Variants in WDR49 observed in about 807,000 individuals in gnomAD.
WDR49 encodes the protein cilia- and flagella-associated protein 337.
WDR49 carries 107 observed loss-of-function variants against 119.5 expected under a neutral mutation model. That is an observed-to-expected ratio of 0.90 (90% CI 0.77 to 1.05). The LOEUF is 1.05. Among genes scored for constraint, WDR49 ranks in the 50% least tolerant of loss-of-function variants. WDR49 has a pLI of 0.00. For synonymous variants in WDR49, 425 were observed against 418.8 expected (o/e 1.01, Z -0.18); for missense variants, 1,240 against 1,220.5 (o/e 1.02, Z -0.24).
chr3:167,644,052 CCCA>C (rs1477620108), intron 2 of WDR49, among the ~76,000 whole-genome samples: 1 of 141,848 alleles, frequency 7.0e-6, no homozygotes, highest in Non-Finnish European at 1.5e-5. Context: ...CCCCCCAATC[CCCA>C]CCTTTTTTTT....
In WDR49 at chr3:167,527,071, C is replaced by T. The variant is rs555929396; in HGVS notation, c.2604+749G>A. On this transcript the variant is annotated intron_variant, in intron 15 of 18. Coordinates refer to ENST00000682715, the MANE Select transcript of WDR49 (RefSeq NM_001366157.1). Reference sequence around the variant, plus strand: ...AATATTTCCTTTCTTTCATGACTCCCATTTCCATTTCATTTCATAGGCAGG... The same window carrying T: ...AATATTTCCTTTCTTTCATGACTCCTATTTCCATTTCATTTCATAGGCAGG... 1.2e-3 allele frequency among the ~76,000 whole-genome samples: 180 copies of T among 152,218 alleles called. 1 individual carries two copies. Among genetic ancestry groups the T allele is most frequent in the Middle Eastern group, 3.4e-3 (1 of 294 alleles).
intron 7 of WDR49, among the ~76,000 whole-genome samples, chr3:167,598,702 T>C (rs180740224): frequency 8.5e-5 from 13 of 152,350 alleles, no homozygotes; most frequent in African/African-American, 3.1e-4. Context: ...CATAGTTCTT[T>C]GTAGCAGTGT....
intron 8 of WDR49, among the ~76,000 whole-genome samples, chr3:167,573,058 A>G (rs1714026964): frequency 6.6e-6 from 1 of 152,140 alleles, no homozygotes; most frequent in African/African-American, 2.4e-5. Context: ...AGAAAAGGAG[A>G]TGTCATAAAG....
intron 16 of WDR49, among the ~76,000 whole-genome samples, chr3:167,506,405 T>C (rs1751769131): frequency 6.6e-6 from 1 of 152,236 alleles, no homozygotes; most frequent in Admixed American, 6.5e-5. Context: ...TTTCCAGCTT[T>C]CTTTTTCCTC....
chr3:167,603,606 C>T (rs914952581), intron 6 of WDR49, among the ~76,000 whole-genome samples: 1 of 151,956 alleles, frequency 6.6e-6, no homozygotes, highest in African/African-American at 2.4e-5. Flanking sequence ...TCTGTAACTA[C>T]CCTATTAATT....
intron 18 of WDR49, among the ~76,000 whole-genome samples, chr3:167,480,105 C>T (rs777149886): frequency 2.1e-4 from 32 of 151,586 alleles, no homozygotes; most frequent in African/African-American, 7.0e-4. Context: ...TGGTGGCAGG[C>T]GCCTGTAATC....
rs533454283 is a variant in WDR49 at position 167,590,703 on chromosome 3, T to C, written c.1275+11424A>G. 4.6e-5 allele frequency among the ~76,000 whole-genome samples: 7 copies of C among 152,276 alleles called. No homozygotes were observed. In the East Asian group the frequency reaches 1.4e-3, roughly 29 times the overall value. The stretch of plus-strand genomic sequence containing the variant: ...GTTATTAACATATAGTGGCTCATAG[T>C]AGCCATTAATAATCATTTGAATTTC... On this transcript the variant is annotated intron_variant, in intron 7 of 18. Coordinates refer to ENST00000682715, the MANE Select transcript of WDR49 (RefSeq NM_001366157.1).
At chr3:167,479,197 A>G (rs1326228730) in intron 18 of WDR49, among the ~76,000 whole-genome samples, 3 of 152,128 alleles carry the variant, frequency 2.0e-5, no homozygotes, top group Admixed American at 1.3e-4. Flanking sequence ...AAATTTTGGT[A>G]GAGTTTGTTC....
intron 17 of WDR49, among the ~76,000 whole-genome samples, chr3:167,503,203 G>A (rs943162531): frequency 1.3e-5 from 2 of 152,244 alleles, no homozygotes; most frequent in Non-Finnish European, 2.9e-5. Flanking sequence ...GGTACACAGA[G>A]TGCAAGAGTG....
chr3:167,571,924 A>G (rs1278999503), intron 8 of WDR49, among the ~76,000 whole-genome samples: 1 of 152,218 alleles, frequency 6.6e-6, no homozygotes, highest in Non-Finnish European at 1.5e-5. Flanking sequence ...AACAAACTGA[A>G]ACATTATCTA....
At position 167,527,973 on chromosome 3, in the gene WDR49, T is replaced by C. The variant is rs1376763920; in HGVS notation, c.2451A>G (p.Pro817=). ...NSSKNKITKA[P]TLIRSFQPHE... ...GAGGTTGGAATGATCTTATCAGAGTTGGGGCCTTGGTGATTTTGTTCTTAC... is the reference window on the plus strand; with the variant it reads ...GAGGTTGGAATGATCTTATCAGAGTCGGGGCCTTGGTGATTTTGTTCTTAC... Residue 817 remains proline (P), a synonymous_variant, in exon 15 of 19, where the codon CCA becomes CCG. Coordinates refer to ENST00000682715, the MANE Select transcript of WDR49 (RefSeq NM_001366157.1). The C allele has an allele frequency of 1.2e-6, 2 of 1,613,188 alleles. No homozygotes were observed. The highest frequency in any genetic ancestry group is 2.2e-5 in the East Asian group (1 of 44,810).
chr3:167,631,739 G>A (rs113576798), intron 2 of WDR49, among the ~76,000 whole-genome samples: 5 of 152,010 alleles, frequency 3.3e-5, no homozygotes, highest in African/African-American at 1.2e-4. Context: ...TTCCACCAGA[G>A]ATCGTGAGAA....
chr3:167,527,688 G>T, intron 15 of WDR49, 132 bp downstream of exon 15: 1 of 947,760 alleles, frequency 1.1e-6, no homozygotes. Context: ...TGGAGCTACT[G>T]CTTCGGAAAT....
intron 7 of WDR49, among the ~76,000 whole-genome samples, chr3:167,582,969 T>TAC (rs142100499): frequency 0.078 from 10,672 of 137,532 alleles, 466 homozygotes; most frequent in South Asian, 0.11. Context: ...CACACACACA[T>TAC]ACACACACAC....
At chr3:167,513,086 T>G (rs1752049564) in intron 16 of WDR49, among the ~76,000 whole-genome samples, 1 of 152,114 alleles carries the variant, frequency 6.6e-6, no homozygotes, top group Non-Finnish European at 1.5e-5. Context: ...ACATTCAAAT[T>G]CAAGAAATCC....
chr3:167,525,861 C>A (rs115409617), intron 15 of WDR49, among the ~76,000 whole-genome samples: 266 of 150,136 alleles, frequency 1.8e-3, no homozygotes, highest in African/African-American at 6.4e-3. Context: ...AAACAAACAA[C>A]AAAAAAAAAC....
chr3:167,631,264 A>G (rs1365718527), intron 2 of WDR49, among the ~76,000 whole-genome samples: 2 of 152,140 alleles, frequency 1.3e-5, no homozygotes, highest in African/African-American at 4.8e-5. Context: ...CTTAAAGTGT[A>G]ATGAATAAAA....
rs576003120 is a variant in WDR49 at position 167,576,117 on chromosome 3, G to C, written c.1310C>G (p.Ser437Cys). 1.2e-6 allele frequency: 2 copies of C among 1,614,078 alleles called. No individual in the cohort carries two copies. The highest frequency in any genetic ancestry group is 1.3e-5 in the African/African-American group (1 of 75,046). The change falls in exon 8 of 19, where the codon TCC becomes TGC. Residue 437 changes from serine (S) to cysteine (C), a missense_variant. Ser to Cys is a moderately radical substitution (Grantham distance 112). Coordinates refer to ENST00000682715, the MANE Select transcript of WDR49 (RefSeq NM_001366157.1). ...GAAAGAACAAGCTATCCTCTGGATG[G>C]ACAGCTGGTGTTGAATATCCCAGAG... is the stretch of plus-strand genomic sequence containing the variant. The part of the protein sequence containing the change: ...LRLWDIQHQL[S>C]IQRIACSFPK...
intron 10 of WDR49, among the ~76,000 whole-genome samples, chr3:167,543,819 G>C (rs944672451): frequency 6.6e-6 from 1 of 151,808 alleles, no homozygotes; most frequent in Non-Finnish European, 1.5e-5. Context: ...GAAATAAAAG[G>C]CATCCAAATC....
Sources: gnomAD v4.1 joint callset for allele counts (sites outside exome capture counted in the v4.1 genomes callset) on GRCh38, gnomAD v4.1.1 for gene constraint, MANE v1.5 for transcripts, NCBI Gene and HGNC (gene_info 2026-07-23, HGNC 2026-07-21) for gene names.